The following CSMD1 variants were observed in gnomAD, a reference collection of about 807,000 sequenced individuals.
The protein encoded by CSMD1 is CUB and Sushi multiple domains 1, also known as CUB and sushi domain-containing protein 1.
In CSMD1, 213 loss-of-function variants were observed where a neutral mutation model predicts 417.5. The ratio of observed to expected loss-of-function variants is 0.51; its 90% confidence interval spans 0.46 to 0.57. The LOEUF (loss-of-function observed/expected upper bound fraction) is 0.57. CSMD1 is among the 20% of genes least tolerant of loss of function. CSMD1 has a pLI of 0.00. For synonymous variants in CSMD1, 2,862 were observed against 1,736.8 expected (o/e 1.65, Z -16.11); for missense variants, 6,923 against 4,529.7 (o/e 1.53, Z -15.17).
At chr8:4,822,934 T>A (rs1563499522) in intron 1 of CSMD1, among the ~76,000 whole-genome samples, 1 of 152,182 alleles carries the variant, frequency 6.6e-6, no homozygotes, top group Non-Finnish European at 1.5e-5. Context: ...TTTGTTTTGA[T>A]AATTTATTCG....
chr8:4,300,641 G>T (rs532072123), intron 3 of CSMD1, among the ~76,000 whole-genome samples: 3 of 152,076 alleles, frequency 2.0e-5, no homozygotes, highest in African/African-American at 7.2e-5. Flanking sequence ...CCATTAACTC[G>T]TCATTTAGCA....
chr8:3,161,029 G>C (rs1036878600), intron 38 of CSMD1, among the ~76,000 whole-genome samples: 1 of 152,152 alleles, frequency 6.6e-6, no homozygotes, highest in African/African-American at 2.4e-5. Flanking sequence ...AAACCTATCA[G>C]TGTCAGTGTC....
At chr8:3,957,626 G>C (rs1449786137) in intron 5 of CSMD1, among the ~76,000 whole-genome samples, 3 of 152,088 alleles carry the variant, frequency 2.0e-5, no homozygotes, top group Non-Finnish European at 4.4e-5. Context: ...CGGGGTTGCA[G>C]TGAACTATAG....
intron 18 of CSMD1, among the ~76,000 whole-genome samples, chr8:3,384,098 G>C (rs894062955): frequency 1.3e-5 from 2 of 152,104 alleles, no homozygotes; most frequent in African/African-American, 2.4e-5. Context: ...GGAAAAGTTC[G>C]TTTAGTGACC....
At position 3,106,535 on chromosome 8, in the gene CSMD1, T is replaced by C. The variant is rs750685658; in HGVS notation, c.6942A>G (p.Thr2314=). 16 of 1,609,670 alleles carry C rather than the reference T, an allele frequency of 9.9e-6. No homozygotes were observed. The South Asian group carries it at 1.7e-4, about 17-fold the overall frequency. The change falls in exon 46 of 70, where the codon ACA becomes ACG. Residue 2314 remains threonine (T), a synonymous_variant. Coordinates refer to ENST00000635120, the MANE Select transcript of CSMD1 (RefSeq NM_033225.6). Reference sequence around the variant, plus strand: ...GTATCGAACAGTGCATACCTTCACATGTTGGGAGAGAACCCTCAAACTGCA... The same window carrying C: ...GTATCGAACAGTGCATACCTTCACACGTTGGGAGAGAACCCTCAAACTGCA... ...SQLQFEGSLP[T]CEAQCPANEV... is the part of the protein sequence containing the mutation.
At chr8:3,397,319 A>G (rs911544629) in intron 16 of CSMD1, among the ~76,000 whole-genome samples, 1 of 152,144 alleles carries the variant, frequency 6.6e-6, no homozygotes, top group East Asian at 1.9e-4. Flanking sequence ...TTGGGAGAAA[A>G]CTTGGGAGAG....
intron 8 of CSMD1, among the ~76,000 whole-genome samples, chr8:3,603,817 T>C (rs1457868203): frequency 6.6e-6 from 1 of 152,224 alleles, no homozygotes; most frequent in Non-Finnish European, 1.5e-5. Context: ...GGAATAACAA[T>C]CATAATCCAA....
At chr8:3,800,330 A>T (rs908896340) in intron 5 of CSMD1, among the ~76,000 whole-genome samples, 1 of 152,152 alleles carries the variant, frequency 6.6e-6, no homozygotes, top group Non-Finnish European at 1.5e-5. Flanking sequence ...TAATTTTATA[A>T]TATGTCAAAA....
chr8:4,937,938 TTTG>T, intron 1 of CSMD1, among the ~76,000 whole-genome samples: 1 of 152,298 alleles, frequency 6.6e-6, no homozygotes, highest in East Asian at 1.9e-4. Flanking sequence ...TTATCTAAAT[TTTG>T]TTTTTATTAA....
chr8:4,177,785 G>C (rs1478177130), intron 3 of CSMD1, among the ~76,000 whole-genome samples: 1 of 151,776 alleles, frequency 6.6e-6, no homozygotes, highest in South Asian at 2.1e-4. Context: ...ACTGCCATCA[G>C]AGAATACTAC....
At chr8:3,681,733 G>T (rs1235490745) in intron 7 of CSMD1, among the ~76,000 whole-genome samples, 1 of 152,112 alleles carries the variant, frequency 6.6e-6, no homozygotes, top group Non-Finnish European at 1.5e-5. Flanking sequence ...GCATTGCCAA[G>T]TCAATCCTAA....
chr8:3,701,157 A>C (rs1370429651), intron 7 of CSMD1, among the ~76,000 whole-genome samples: 3 of 152,102 alleles, frequency 2.0e-5, no homozygotes, highest in African/African-American at 7.2e-5. Context: ...TTAGACATCA[A>C]CGTGACTCCC....
At chr8:4,796,335 T>A (rs1174009144) in intron 1 of CSMD1, among the ~76,000 whole-genome samples, 2 of 152,106 alleles carry the variant, frequency 1.3e-5, no homozygotes, top group Admixed American at 6.5e-5. Flanking sequence ...AACGTGATGA[T>A]CTTCACATAT....
intron 40 of CSMD1, among the ~76,000 whole-genome samples, chr8:3,144,062 T>G (rs564305056): frequency 6.6e-6 from 1 of 152,328 alleles, no homozygotes; most frequent in East Asian, 1.9e-4. Context: ...AGTGCCCTGC[T>G]TGGTGGGCAT....
chr8:4,601,460 A>G (rs1298587229), intron 2 of CSMD1, among the ~76,000 whole-genome samples: 1 of 152,064 alleles, frequency 6.6e-6, no homozygotes, highest in African/African-American at 2.4e-5. Flanking sequence ...TCTGTTCCTG[A>G]ATGTTAAGTT....
intron 7 of CSMD1, among the ~76,000 whole-genome samples, chr8:3,635,344 C>T (rs1201274686): frequency 6.6e-6 from 1 of 152,024 alleles, no homozygotes; most frequent in East Asian, 2.0e-4. Flanking sequence ...CAAAGTGGTG[C>T]ACACCTGTAA....
chr8:4,235,372 T>A (rs1419705648), intron 3 of CSMD1, among the ~76,000 whole-genome samples: 1 of 146,508 alleles, frequency 6.8e-6, no homozygotes, highest in Non-Finnish European at 1.5e-5. Context: ...TTTTTTTTTG[T>A]TTGTTTGTTT....
intron 3 of CSMD1, among the ~76,000 whole-genome samples, chr8:4,071,138 A>T (rs2130779366): frequency 6.6e-6 from 1 of 151,584 alleles, no homozygotes; most frequent in East Asian, 1.9e-4. Flanking sequence ...TTTTTTCCAA[A>T]TTTGGAGAAT....
At chr8:4,639,632 G>T (rs995892523) in intron 1 of CSMD1, among the ~76,000 whole-genome samples, 1 of 152,196 alleles carries the variant, frequency 6.6e-6, no homozygotes, top group Non-Finnish European at 1.5e-5. Flanking sequence ...TACTCAGATT[G>T]TGGCATGTAG....
Sources: gnomAD v4.1 joint callset for allele counts (sites outside exome capture counted in the v4.1 genomes callset) on GRCh38, gnomAD v4.1.1 for gene constraint, MANE v1.5 for transcripts, NCBI Gene and HGNC (gene_info 2026-07-23, HGNC 2026-07-21) for gene names.